Variants in STON2 observed in about 807,000 individuals in gnomAD.
STON2 encodes the protein stonin 2.
A neutral mutation model predicts 65.7 loss-of-function variants in STON2; 29 were observed. The observed-to-expected ratio is 0.44, with a 90% CI of 0.33 to 0.60. The LOEUF (loss-of-function observed/expected upper bound fraction) is 0.60, where lower values mean the gene tolerates loss of function less well. STON2 is among the 20% of genes least tolerant of loss of function. The pLI is 0.03. For missense variants in STON2, 1,054 were observed against 1,118.1 expected, an observed-to-expected ratio of 0.94 and a Z score of 0.82; for synonymous variants, 404 against 414.2, an observed-to-expected ratio of 0.98 and a Z score of 0.30.
intron 2 of STON2, among the ~76,000 whole-genome samples, chr14:81,408,925 T>C (rs779950838): frequency 7.2e-5 from 11 of 152,220 alleles, no homozygotes; most frequent in Admixed American, 2.0e-4. Context: ...TTAGAAGACA[T>C]TGACTTACTC....
chr14:81,435,668 C>T (rs1040686868), intron 1 of STON2, among the ~76,000 whole-genome samples: 26 of 152,000 alleles, frequency 1.7e-4, no homozygotes, highest in African/African-American at 5.6e-4. Flanking sequence ...AACACACGGA[C>T]GCGCACACAC....
chr14:81,307,566 GA>G (rs1896228990), intron 5 of STON2, among the ~76,000 whole-genome samples: 3 of 152,318 alleles, frequency 2.0e-5, no homozygotes, highest in African/African-American at 7.2e-5. Context: ...TTGTAAATGA[GA>G]AAGAATTAAT....
At chr14:81,371,501 C>T (rs968467068) in intron 3 of STON2, among the ~76,000 whole-genome samples, 8 of 151,916 alleles carry the variant, frequency 5.3e-5, no homozygotes, top group Non-Finnish European at 1.0e-4. Context: ...CGAGACCATC[C>T]TGGCTAACAC....
chr14:81,412,780 G>A (rs1163418658), intron 2 of STON2, among the ~76,000 whole-genome samples: 3 of 139,768 alleles, frequency 2.1e-5, no homozygotes, highest in Non-Finnish European at 4.5e-5. Flanking sequence ...AAATGACCAC[G>A]CGCAAAGCAG....
At chr14:81,309,088 A>AT (rs1165693937) in intron 5 of STON2, among the ~76,000 whole-genome samples, 2 of 50,028 alleles carry the variant, frequency 4.0e-5, no homozygotes, top group East Asian at 3.6e-4. Flanking sequence ...AAAATTCTAT[A>AT]AAAAAAAAAA....
In STON2 at chr14:81,289,455, T is replaced by C. The variant is rs926414897; in HGVS notation, c.743-10716A>G. On this transcript the variant is annotated intron_variant, in intron 5 of 7. Coordinates refer to ENST00000614646, the MANE Select transcript of STON2 (RefSeq NM_001394390.1). ...CTATAGGGAAAGGACGCAAACCTTC[T>C]GAAAGGTCGGAAGGTTCTGCAGAGC... is the stretch of plus-strand genomic sequence containing the variant. Among the ~76,000 whole-genome samples, 7 of 152,134 alleles carry C rather than the reference T, an allele frequency of 4.6e-5. 1 individual carries two copies. The highest frequency in any genetic ancestry group is 4.6e-4 in the Admixed American group (7 of 15,274).
In STON2 at chr14:81,395,987, C is replaced by T; in HGVS notation, c.280G>A (p.Asp94Asn). ...PPGSPEQPPP[D>N]LASAISNWVQ... is the part of the protein sequence containing the mutation. ...CAGTTGCTGATGGCCGAGGCCAGGTCAGGTGGGGGCTGCTCAGGGCTCCCA... is the reference window on the plus strand; with the variant it reads ...CAGTTGCTGATGGCCGAGGCCAGGTTAGGTGGGGGCTGCTCAGGGCTCCCA... Residue 94 changes from aspartate to asparagine, a missense_variant, in exon 3 of 8, where the codon GAC becomes AAC. Transcript: ENST00000614646. The T allele has an allele frequency of 6.2e-7, 1 of 1,614,182 alleles. No homozygotes were observed. The highest frequency in any genetic ancestry group is 2.2e-5 in the East Asian group (1 of 44,876).
intron 3 of STON2, among the ~76,000 whole-genome samples, chr14:81,387,495 C>T (rs1269773448): frequency 6.6e-6 from 1 of 152,180 alleles, no homozygotes; most frequent in African/African-American, 2.4e-5. Flanking sequence ...ACATAATTTT[C>T]ATAAAAGATT....
At chr14:81,367,470 C>G (rs1000536659) in intron 4 of STON2, among the ~76,000 whole-genome samples, 1 of 152,200 alleles carries the variant, frequency 6.6e-6, no homozygotes, top group African/African-American at 2.4e-5. Context: ...AGCCACCATG[C>G]CTGGACAAAT....
chr14:81,397,821 C>T (rs1407846351), intron 2 of STON2, among the ~76,000 whole-genome samples: 7 of 152,106 alleles, frequency 4.6e-5, no homozygotes, highest in Admixed American at 6.5e-5. Flanking sequence ...CTCACAGCAA[C>T]CTGTGAGATA....
intron 4 of STON2, among the ~76,000 whole-genome samples, chr14:81,363,868 A>C (rs1898606375): frequency 6.6e-6 from 1 of 152,230 alleles, no homozygotes; most frequent in South Asian, 2.1e-4. Context: ...GTTTACCTGC[A>C]AATCTGGGCC....
chr14:81,399,262 A>G (rs932178993), intron 1 of STON2, among the ~76,000 whole-genome samples: 4 of 152,220 alleles, frequency 2.6e-5, no homozygotes, highest in Non-Finnish European at 4.4e-5. Flanking sequence ...TTCTTAATTG[A>G]CATAATTTTG....
chr14:81,369,111 T>G (rs1195444628), intron 4 of STON2, among the ~76,000 whole-genome samples: 1 of 152,166 alleles, frequency 6.6e-6, no homozygotes, highest in Non-Finnish European at 1.5e-5. Context: ...GCTCTGTCCT[T>G]TCTGTCGCCA....
Position 81,263,743 on chromosome 14 carries a change from GTTAAAGTTACCAC to G in STON2, c.*4658_*4670del, listed in dbSNP as rs1894252046. ...ACATATAATCCTCATTTTTAGAAGAGTTAAAGTTACCACTCGAACTGGGAGCATTTCTATAAGC... is the reference window on the plus strand; with the variant it reads ...ACATATAATCCTCATTTTTAGAAGAGTCGAACTGGGAGCATTTCTATAAGC... On this transcript the variant is annotated 3_prime_UTR_variant, in exon 8 of 8. Transcript: ENST00000614646. The G allele has an allele frequency of 1.0e-6, 1 of 985,196 alleles. No homozygotes were observed. Among genetic ancestry groups the G allele is most frequent in the African/African-American group, 1.7e-5 (1 of 57,190 alleles). The allele number at this position is 985,196 out of a possible 1,614,324, so 61.0% of individuals were successfully genotyped here.
Position 81,277,879 on chromosome 14 carries a change from T to G in STON2, c.1603A>C (p.Ile535Leu). ...EKPFREFKLE[I>L]CHEISEPRLQ... is the part of the protein sequence containing the mutation. The stretch of plus-strand genomic sequence containing the variant: ...CGGGGTTCTGAAATCTCATGACAGA[T>G]CTCCAGCTTGAACTCACGGAATGGT... Residue 535 changes from isoleucine (I) to leucine (L), a missense_variant, in exon 6 of 8, where the codon ATC becomes CTC. Physicochemically the swap from Ile to Leu is conservative, Grantham distance 5. Transcript: ENST00000614646. 2 of 1,614,158 alleles carry G rather than the reference T, an allele frequency of 1.2e-6. No individual in the cohort carries two copies. The highest frequency in any genetic ancestry group is 1.7e-6 in the Non-Finnish European group (2 of 1,180,026).
chr14:81,408,136 A>AACACACACACAC (rs149914558), intron 2 of STON2, among the ~76,000 whole-genome samples: 52 of 149,090 alleles, frequency 3.5e-4, no homozygotes, highest in African/African-American at 1.2e-3. Context: ...TTCACTGAAG[A>AACACACACACAC]ACACACACAC....
At chr14:81,427,539 A>G (rs1555409222) in intron 1 of STON2, 2 of 152,282 alleles carry the variant, frequency 1.3e-5, no homozygotes, top group South Asian at 2.1e-4. Flanking sequence ...GTGCCTGAGT[A>G]TGATGGATGG....
At chr14:81,415,082 G>C (rs564847456) in intron 2 of STON2, among the ~76,000 whole-genome samples, 1 of 152,214 alleles carries the variant, frequency 6.6e-6, no homozygotes, top group East Asian at 1.9e-4. Flanking sequence ...AAGGCACAGA[G>C]AAGGCAAGCA....
At chr14:81,340,116 C>T (rs146761013) in intron 4 of STON2, among the ~76,000 whole-genome samples, 398 of 152,204 alleles carry the variant, frequency 2.6e-3, no homozygotes, top group African/African-American at 6.6e-3. Flanking sequence ...ATCGCGCCAC[C>T]GCACTCCAGC....
Sources: allele counts gnomAD v4.1 joint callset (sites outside exome capture counted in the v4.1 genomes callset), GRCh38; gene constraint gnomAD v4.1.1; transcripts MANE v1.5; gene names NCBI Gene and HGNC (gene_info 2026-07-23, HGNC 2026-07-21).